The following GPAM variants were observed in gnomAD, a reference collection of about 807,000 sequenced individuals.
GPAM encodes the protein glycerol-3-phosphate acyltransferase, mitochondrial.
GPAM carries 56 observed loss-of-function variants against 105.0 expected under a neutral mutation model. That is an observed-to-expected ratio of 0.53 (90% CI 0.43 to 0.67). The LOEUF (loss-of-function observed/expected upper bound fraction) is 0.67. Ranked by LOEUF, GPAM falls within the 30% of genes least tolerant of loss-of-function variation. The pLI, the probability that GPAM is intolerant of heterozygous loss-of-function variation, is 0.00. For synonymous variants in GPAM, 368 were observed against 354.4 expected (o/e 1.04, Z -0.43); for missense variants, 855 against 989.8 (o/e 0.86, Z 1.83).
At chr10:112,202,973 CAG>C (rs1337246048) in intron 1 of GPAM, among the ~76,000 whole-genome samples, 1 of 152,144 alleles carries the variant, frequency 6.6e-6, no homozygotes, top group Non-Finnish European at 1.5e-5. Flanking sequence ...GGCTGGGAGT[CAG>C]GGGCTGAACT....
intron 15 of GPAM, 59 bp from the exon 16 acceptor site, chr10:112,160,927 G>T: frequency 6.8e-7 from 1 of 1,464,596 alleles, no homozygotes; most frequent in East Asian, 2.3e-5. Context: ...AAAAAGCTGA[G>T]AGGCCAACAT....
chr10:112,218,544 T>C (rs913964602), upstream of GPAM, among the ~76,000 whole-genome samples: 2 of 152,110 alleles, frequency 1.3e-5, no homozygotes, highest in Admixed American at 1.3e-4. Context: ...AAAAGAGGGT[T>C]CTTGGTGCAA....
intron 12 of GPAM, among the ~76,000 whole-genome samples, chr10:112,165,775 C>T (rs1025260367): frequency 6.6e-6 from 1 of 152,008 alleles, no homozygotes; most frequent in Non-Finnish European, 1.5e-5. Context: ...GATATAAATA[C>T]GTATTATAAA....
chr10:112,193,481 G>C (rs146641477), intron 1 of GPAM, among the ~76,000 whole-genome samples: 13 of 152,290 alleles, frequency 8.5e-5, no homozygotes, highest in African/African-American at 2.4e-4. Context: ...GGGAAGGATG[G>C]GGAATAGATC....
intron 1 of GPAM, among the ~76,000 whole-genome samples, chr10:112,201,339 G>A (rs1847794958): frequency 6.6e-6 from 1 of 152,188 alleles, no homozygotes. Context: ...ATAAGGTCAA[G>A]GTCCCACTTA....
upstream of GPAM, among the ~76,000 whole-genome samples, chr10:112,217,514 A>G (rs965764373): frequency 6.6e-6 from 1 of 151,816 alleles, no homozygotes; most frequent in African/African-American, 2.4e-5. Context: ...CCTTATAGCC[A>G]CGAATTCACA....
At chr10:112,189,568 C>G (rs1847632828) in intron 1 of GPAM, among the ~76,000 whole-genome samples, 1 of 152,122 alleles carries the variant, frequency 6.6e-6, no homozygotes, top group Admixed American at 6.5e-5. Context: ...TTGCCTAGCT[C>G]TGAGAAAAGA....
intron 9 of GPAM, among the ~76,000 whole-genome samples, chr10:112,171,262 C>A (rs1457607500): frequency 6.6e-6 from 1 of 152,178 alleles, no homozygotes; most frequent in Non-Finnish European, 1.5e-5. Flanking sequence ...TTCCTCTCCC[C>A]CTCTATTGAG....
At position 112,173,970 on chromosome 10, in the gene GPAM, A is replaced by C. The variant is rs1847358927; in HGVS notation, c.414-125T>G. ...TATGTTCTCTTTAAAATGCGGTAAC[A>C]TGAAAGAATAAGCTCAAGCTAGAAG... On this transcript the variant is annotated intron_variant, in intron 6 of 21. Coordinates refer to ENST00000348367, the MANE Select transcript of GPAM (RefSeq NM_001244949.2). 2.0e-5 allele frequency: 16 copies of C among 787,696 alleles called. No individual in the cohort carries two copies. The East Asian group carries it at 4.1e-4, about 20-fold the overall frequency. The allele number at this position is 787,696 out of a possible 1,614,324, so 48.8% of individuals were successfully genotyped here. A position where few individuals can be genotyped will look rare whatever the true frequency, so the allele number is the denominator to read the frequency against.
chr10:112,173,687 G>A lies in GPAM; in HGVS notation c.560+12C>T. The A allele has an allele frequency of 6.2e-7, 1 of 1,612,980 alleles. No individual in the cohort carries two copies. Among genetic ancestry groups the A allele is most frequent in the South Asian group, 1.1e-5 (1 of 91,048 alleles). ...GCTGTGATTGAAAGCTTTCTGCCTTGCCTTTTAATACCTGATCATTGCCGG... is the reference window on the plus strand; with the variant it reads ...GCTGTGATTGAAAGCTTTCTGCCTTACCTTTTAATACCTGATCATTGCCGG... On this transcript the variant is annotated intron_variant, in intron 7 of 21. Coordinates refer to ENST00000348367, the MANE Select transcript of GPAM (RefSeq NM_001244949.2).
chr10:112,158,476 T>G, intron 17 of GPAM, 83 bp from the exon 18 acceptor site: 1 of 857,270 alleles, frequency 1.2e-6, no homozygotes, highest in East Asian at 2.5e-5. Context: ...ACAAGGTAGC[T>G]GCCAAAGCCT....
the GPAM span, among the ~76,000 whole-genome samples, chr10:112,225,241 C>T: frequency 1.8e-4 from 28 of 152,200 alleles, no homozygotes; most frequent in Non-Finnish European, 3.5e-4. Flanking sequence ...AATTTGCCCA[C>T]AATTCCAAAA....
chr10:112,150,301 T>G lies in GPAM; in HGVS notation c.*3249A>C. ...AATCTGCATTCAAACGTACAATACT[T>G]TCTTCTAGATCTGAATTAAAACCTT... On this transcript the variant is annotated 3_prime_UTR_variant, in exon 22 of 22. Transcript: ENST00000348367. The G allele has an allele frequency of 1.0e-6, 1 of 985,298 alleles. No homozygotes were observed. Among genetic ancestry groups the G allele is most frequent in the Non-Finnish European group, 1.2e-6 (1 of 829,488 alleles). 61.0% of individuals were successfully genotyped at this position (985,298 alleles called of 1,614,324 possible).
chr10:112,220,150 T>G (rs1848005488), upstream of GPAM, among the ~76,000 whole-genome samples: 2 of 151,836 alleles, frequency 1.3e-5, no homozygotes, highest in African/African-American at 4.8e-5. Context: ...CACCCAGAAG[T>G]AGACTGAGCA....
chr10:112,172,448 A>G lies in GPAM; in HGVS notation c.658-130T>C, dbSNP rs184892231. On this transcript the variant is annotated intron_variant, in intron 8 of 21. Transcript: ENST00000348367. ...ACTCACTCTTTAAAAACATTTTCCA[A>G]TAATAGGAACTTCCTTCAATGTAAT... 3,805 of 731,722 alleles carry G rather than the reference A, an allele frequency of 5.2e-3. 82 individuals carry two copies. The highest frequency in any genetic ancestry group is 0.029 in the South Asian group (1,927 of 67,198). The allele number at this position is 731,722 out of a possible 1,614,324, so 45.3% of individuals were successfully genotyped here.
chr10:112,216,399 G>A (rs1333879106), upstream of GPAM, among the ~76,000 whole-genome samples: 1 of 152,122 alleles, frequency 6.6e-6, no homozygotes, highest in Non-Finnish European at 1.5e-5. Flanking sequence ...TAGTGCAGTG[G>A]AACCAATGGC....
intron 4 of GPAM, 29 bp downstream of exon 4, chr10:112,180,444 T>G: frequency 6.2e-7 from 1 of 1,609,578 alleles, no homozygotes; most frequent in African/African-American, 1.3e-5. Flanking sequence ...ATGCTGAGTA[T>G]TAGGGTCAAT....
At position 112,188,843 on chromosome 10, in the gene GPAM, A is replaced by C. The variant is rs1283221626; in HGVS notation, n.211-5952T>G. On this transcript the variant is annotated intron_variant and non_coding_transcript_variant, in intron 1 of 3. Coordinates refer to the GPAM transcript ENST00000480130. ...CAGATAAGAAAAATGGGCTCAGAGT[A>C]ATTAAATAAATTGCCCAAATCAACC... Among the ~76,000 whole-genome samples, 3 of 152,230 alleles carry C rather than the reference A, an allele frequency of 2.0e-5. No homozygotes were observed. The East Asian group carries it at 5.8e-4, about 29-fold the overall frequency.
At chr10:112,178,486 G>A (rs897344351) in intron 4 of GPAM, among the ~76,000 whole-genome samples, 1 of 152,014 alleles carries the variant, frequency 6.6e-6, no homozygotes, top group Non-Finnish European at 1.5e-5. Context: ...AGAGACGGAG[G>A]TTGCAGTGAG....
Sources: allele counts gnomAD v4.1 joint callset (sites outside exome capture counted in the v4.1 genomes callset), GRCh38; gene constraint gnomAD v4.1.1; transcripts MANE v1.5; gene names NCBI Gene and HGNC (gene_info 2026-07-23, HGNC 2026-07-21).